Variants in OPA3 observed in about 807,000 individuals in gnomAD.
OPA3 encodes optic atrophy 3 protein.
OPA3 carries 6 observed loss-of-function variants against 4.0 expected under a neutral mutation model. The ratio of observed to expected loss-of-function variants is 1.51; its 90% CI spans 0.83 to 2.99. The LOEUF is 2.99. OPA3 is among the 30% of genes most tolerant of loss of function. The probability of loss-of-function intolerance (pLI) is 0.00; values close to 1 mark genes in which losing one functional copy is unlikely to be tolerated. For missense variants in OPA3, 235 were observed against 256.2 expected, an observed-to-expected ratio of 0.92 and a Z score of 0.56; for synonymous variants, 105 against 117.1, an observed-to-expected ratio of 0.90 and a Z score of 0.67.
chr19:45,535,293 T>C (rs2122381870), intron 1 of OPA3, among the ~76,000 whole-genome samples: 1 of 152,304 alleles, frequency 6.6e-6, no homozygotes, highest in African/African-American at 2.4e-5. Context: ...CATTTTCTAT[T>C]TGTTTGTTGC....
At chr19:45,564,179 T>TGGG (rs1168300051) in intron 1 of OPA3, among the ~76,000 whole-genome samples, 2 of 27,154 alleles carry the variant, frequency 7.4e-5, no homozygotes, top group African/African-American at 3.1e-4. Context: ...GTGGGGGGGT[T>TGGG]GGGAGGGTAT....
At chr19:45,577,259 T>C (rs1268351621) in intron 1 of OPA3, among the ~76,000 whole-genome samples, 1 of 152,212 alleles carries the variant, frequency 6.6e-6, no homozygotes, top group Non-Finnish European at 1.5e-5. Context: ...GCCTCTCCTG[T>C]GAGACAGCTG....
rs1969144054 is a variant in OPA3 at position 45,538,157 on chromosome 19, A to G, written c.143-8701T>C. Among the ~76,000 whole-genome samples, 7 of 148,548 alleles carry G rather than the reference A, an allele frequency of 4.7e-5. No individual in the cohort carries two copies. In the South Asian group the frequency reaches 1.5e-3, roughly 32 times the overall value. ...AAAAAAAAAAAGATTCTAGCTAGCTATGGAGTCTCACACCTGTAATCCCAG... is the reference window on the plus strand; with the variant it reads ...AAAAAAAAAAAGATTCTAGCTAGCTGTGGAGTCTCACACCTGTAATCCCAG... On this transcript the variant is annotated intron_variant, in intron 1 of 1. Coordinates refer to the OPA3 transcript ENST00000323060.
intron 1 of OPA3, among the ~76,000 whole-genome samples, chr19:45,557,906 C>T (rs999718688): frequency 3.3e-5 from 5 of 152,192 alleles, no homozygotes; most frequent in Non-Finnish European, 5.9e-5. Flanking sequence ...GCCAGGCACA[C>T]GCATGATGCT....
chr19:45,570,116 T>C lies in OPA3; in HGVS notation c.142+14507A>G, dbSNP rs189058222. On this transcript the variant is annotated intron_variant, in intron 1 of 1. Coordinates refer to ENST00000263275, the MANE Select transcript of OPA3 (RefSeq NM_025136.4). Reference sequence around the variant, plus strand: ...TCTCCTGTCCACTTGGCATATTGCTTGCAGCCAGCGCAAGTAGATTCCCTG... The same window carrying C: ...TCTCCTGTCCACTTGGCATATTGCTCGCAGCCAGCGCAAGTAGATTCCCTG... Among the ~76,000 whole-genome samples, 30 of 152,264 alleles carry C rather than the reference T, an allele frequency of 2.0e-4. 1 individual carries two copies. Among genetic ancestry groups the C allele is most frequent in the Admixed American group, 2.0e-3 (30 of 15,282 alleles).
At chr19:45,529,985 A>G (rs1969041712) in intron 1 of OPA3, among the ~76,000 whole-genome samples, 1 of 152,082 alleles carries the variant, frequency 6.6e-6, no homozygotes, top group South Asian at 2.1e-4. Context: ...CCTCCTGCCA[A>G]AGCCTCCCAA....
intron 1 of OPA3, among the ~76,000 whole-genome samples, chr19:45,534,747 C>T (rs1192778579): frequency 6.6e-6 from 1 of 151,632 alleles, no homozygotes; most frequent in East Asian, 2.0e-4. Context: ...ATTCTCCTGC[C>T]TCAGCCTCCC....
intron 1 of OPA3, among the ~76,000 whole-genome samples, chr19:45,570,666 G>A (rs751967609): frequency 2.6e-5 from 4 of 151,802 alleles, no homozygotes; most frequent in Non-Finnish European, 5.9e-5. Context: ...CAGCCTGGGC[G>A]ACAGAGTGAG....
chr19:45,537,250 G>T (rs1969128196), intron 1 of OPA3, among the ~76,000 whole-genome samples: 1 of 151,336 alleles, frequency 6.6e-6, no homozygotes, highest in Non-Finnish European at 1.5e-5. Context: ...GTGCAATGGC[G>T]CAACCTCAGC....
intron 1 of OPA3, among the ~76,000 whole-genome samples, chr19:45,537,420 A>AC (rs1351109331): frequency 1.3e-5 from 2 of 150,920 alleles, no homozygotes; most frequent in African/African-American, 2.4e-5. Context: ...AAAAAAAAAA[A>AC]AACAAGAAAA....
Position 45,553,814 on chromosome 19 carries a change from G to A in OPA3, c.240C>T (p.Gly80=), listed in dbSNP as rs776619481. The A allele has an allele frequency of 1.2e-6, 2 of 1,613,276 alleles. No homozygotes were observed. The highest frequency in any genetic ancestry group is 2.2e-5 in the East Asian group (1 of 44,868). ...PLNEEAAAEL[G]AELLGEATIF... ...TGGTGGCTTCGCCCAGCAGCTCTGC[G>A]CCCAGCTCAGCTGCCGCCTCCTCGT... is the stretch of plus-strand genomic sequence containing the variant. The change falls in exon 2 of 2, where the codon GGC becomes GGT. Residue 80 remains glycine, a synonymous_variant. Transcript: ENST00000263275.
intron 1 of OPA3, among the ~76,000 whole-genome samples, chr19:45,564,894 A>C (rs1969559702): frequency 6.6e-6 from 1 of 152,208 alleles, no homozygotes; most frequent in South Asian, 2.1e-4. Flanking sequence ...ATGTATCTAT[A>C]AATTAAAATC....
intron 1 of OPA3, among the ~76,000 whole-genome samples, chr19:45,570,811 C>T (rs945614207): frequency 1.4e-4 from 21 of 147,142 alleles, no homozygotes; most frequent in Admixed American, 5.5e-4. Flanking sequence ...TGTAGCGAGC[C>T]GAGATTGTGC....
chr19:45,574,759 T>C (rs1188889632), intron 1 of OPA3, among the ~76,000 whole-genome samples: 2 of 152,212 alleles, frequency 1.3e-5, no homozygotes, highest in African/African-American at 4.8e-5. Flanking sequence ...CTTTGACCAA[T>C]AGTGTGGTGG....
At chr19:45,529,048 G>A in exon 2 of OPA3, 1 of 1,598,320 alleles carries the variant, frequency 6.3e-7, no homozygotes, top group Non-Finnish European at 8.5e-7. Context: ...CCAGGGCCCC[G>A]AGACCTCCTA....
At chr19:45,529,277 G>T in exon 2 of OPA3, 2 of 1,614,024 alleles carry the variant, frequency 1.2e-6, no homozygotes, top group Non-Finnish European at 1.7e-6. Context: ...TTGCGGCGCT[G>T]CTGCAACTGG....
At chr19:45,528,915 C>T in exon 2 of OPA3, 1 of 1,027,088 alleles carries the variant, frequency 9.7e-7, no homozygotes, top group South Asian at 1.6e-5. Flanking sequence ...CAGCTCCAGC[C>T]CAGGATCTCT....
intron 1 of OPA3, among the ~76,000 whole-genome samples, chr19:45,572,556 T>A (rs1161522386): frequency 7.3e-6 from 1 of 137,306 alleles, no homozygotes; most frequent in Non-Finnish European, 1.5e-5. Flanking sequence ...ATATATCATA[T>A]ATGGATATAT....
chr19:45,551,659 A>G lies in OPA3; in HGVS notation c.*1855T>C, dbSNP rs146599259. On this transcript the variant is annotated 3_prime_UTR_variant, in exon 2 of 2. Coordinates refer to ENST00000263275, the MANE Select transcript of OPA3 (RefSeq NM_025136.4). The stretch of plus-strand genomic sequence containing the variant: ...CTTAAGCCATCAAGTTCACCACCCA[A>G]TGGTGATCTGTTATGGCAGTCCAAG... 1,408 of 939,466 alleles carry G rather than the reference A, an allele frequency of 1.5e-3. 20 individuals are homozygous for G. In the African/African-American group the frequency reaches 0.023, roughly 15 times the overall value. The allele number at this position is 939,466 out of a possible 1,614,324, so 58.2% of individuals were successfully genotyped here.
Sources: allele counts gnomAD v4.1 joint callset (sites outside exome capture counted in the v4.1 genomes callset), GRCh38; gene constraint gnomAD v4.1.1; transcripts MANE v1.5; gene names NCBI Gene and HGNC (gene_info 2026-07-23, HGNC 2026-07-21).